The following FRYL variants were observed in gnomAD, a reference collection of about 807,000 sequenced individuals.
The protein encoded by FRYL is protein furry homolog-like.
In FRYL, 150 loss-of-function variants were observed where a neutral mutation model predicts 351.2. The ratio of observed to expected loss-of-function variants is 0.43; its 90% CI spans 0.37 to 0.49. FRYL has a LOEUF of 0.49. FRYL is among the 20% of genes least tolerant of loss of function. The probability of loss-of-function intolerance (pLI) is 0.00; values close to 1 mark genes in which losing one functional copy is unlikely to be tolerated. For missense variants in FRYL, 3,036 were observed against 3,619.3 expected, an observed-to-expected ratio of 0.84 and a Z score of 4.13; for synonymous variants, 1,153 against 1,257.1, an observed-to-expected ratio of 0.92 and a Z score of 1.75.
intron 33 of FRYL, among the ~76,000 whole-genome samples, chr4:48,557,932 AG>A (rs1431696752): frequency 6.6e-6 from 1 of 152,242 alleles, no homozygotes; most frequent in Non-Finnish European, 1.5e-5. Context: ...TACTTTTGGC[AG>A]TTAAAATAAA....
At chr4:48,603,985 T>G (rs187304652) in intron 11 of FRYL, among the ~76,000 whole-genome samples, 1 of 152,192 alleles carries the variant, frequency 6.6e-6, no homozygotes, top group Non-Finnish European at 1.5e-5. Context: ...CTAATCATAC[T>G]CTTTTTAAAA....
chr4:48,541,105 G>T, intron 45 of FRYL, 145 bp from the exon 46 acceptor site: 1 of 748,622 alleles, frequency 1.3e-6, no homozygotes, highest in Non-Finnish European at 2.0e-6. Flanking sequence ...TCAAATTTCA[G>T]TTTTCCCTTC....
chr4:48,589,821 A>G lies in FRYL; in HGVS notation c.1564T>C (p.Leu522=), dbSNP rs1402358976. The G allele has an allele frequency of 6.2e-7, 1 of 1,613,778 alleles. No individual in the cohort carries two copies. Among genetic ancestry groups the G allele is most frequent in the Non-Finnish European group, 8.5e-7 (1 of 1,179,724 alleles). ...RKALDSILRH[L]DKEVGRPMCM... ...ATTGGTCTCCCAACTTCTTTGTCCA[A>G]ATGTCTGAGGATGCTATCTAATGCT... Residue 522 remains leucine, a synonymous_variant, in exon 18 of 64, where the codon TTG becomes CTG. Transcript: ENST00000358350.
intron 1 of FRYL, among the ~76,000 whole-genome samples, chr4:48,777,051 A>C (rs943764249): frequency 5.9e-5 from 9 of 152,154 alleles, no homozygotes; most frequent in African/African-American, 1.9e-4. Context: ...TAAAAAAAAA[A>C]CAAAAACTAT....
chr4:48,778,212 T>C (rs1646424064), intron 1 of FRYL, among the ~76,000 whole-genome samples: 1 of 152,048 alleles, frequency 6.6e-6, no homozygotes, highest in Non-Finnish European at 1.5e-5. Context: ...GGCTTCCAAT[T>C]TCCCAAGTAG....
At chr4:48,647,840 G>A (rs1169225843) in intron 3 of FRYL, among the ~76,000 whole-genome samples, 12 of 152,148 alleles carry the variant, frequency 7.9e-5, no homozygotes. Context: ...TCTGAGGGAT[G>A]ATAAGAGTAT....
At chr4:48,573,049 G>A (rs562583533) in intron 26 of FRYL, 137 bp downstream of exon 26, 68 of 608,724 alleles carry the variant, frequency 1.1e-4, no homozygotes, top group Non-Finnish European at 1.8e-4. Flanking sequence ...AAGATCTTCT[G>A]CGGGGAGGGG....
intron 40 of FRYL, among the ~76,000 whole-genome samples, 183 bp from the exon 41 acceptor site, chr4:48,547,952 T>C (rs1731736836): frequency 6.6e-6 from 1 of 152,164 alleles, no homozygotes; most frequent in Non-Finnish European, 1.5e-5. Flanking sequence ...TGTCTTATAG[T>C]ACTAGGGAGA....
At chr4:48,673,109 G>A (rs1198514109) in intron 3 of FRYL, among the ~76,000 whole-genome samples, 1 of 152,158 alleles carries the variant, frequency 6.6e-6, no homozygotes, top group Non-Finnish European at 1.5e-5. Flanking sequence ...ATCTCATGAA[G>A]CCATTAACAC....
At chr4:48,759,266 C>A (rs1241150545) in intron 1 of FRYL, among the ~76,000 whole-genome samples, 2 of 151,940 alleles carry the variant, frequency 1.3e-5, no homozygotes, top group Non-Finnish European at 2.9e-5. Flanking sequence ...GCTTCTGAGG[C>A]TCAAGTGAAA....
chr4:48,508,448 G>C (rs1227107054), intron 59 of FRYL, among the ~76,000 whole-genome samples: 3 of 152,142 alleles, frequency 2.0e-5, no homozygotes, highest in Admixed American at 2.0e-4. Flanking sequence ...GCAGTTTTCT[G>C]TATAGAGGTA....
intron 2 of FRYL, among the ~76,000 whole-genome samples, chr4:48,690,873 G>A (rs1053216771): frequency 3.3e-5 from 5 of 152,076 alleles, no homozygotes; most frequent in African/African-American, 1.2e-4. Context: ...GCAATGAAAA[G>A]GTTTCTAAGT....
chr4:48,531,959 A>T (rs537566182), intron 49 of FRYL, among the ~76,000 whole-genome samples: 25 of 152,118 alleles, frequency 1.6e-4, no homozygotes, highest in South Asian at 4.1e-4. Flanking sequence ...TTTTAAAAAA[A>T]TTTTTCTGCT....
At chr4:48,528,382 T>C (rs1726744473) in intron 50 of FRYL, 46 bp from the exon 51 acceptor site, 1 of 1,505,116 alleles carries the variant, frequency 6.6e-7, no homozygotes, top group African/African-American at 1.4e-5. Context: ...TATTTCAACA[T>C]AAAAGAAACT....
intron 3 of FRYL, among the ~76,000 whole-genome samples, chr4:48,671,592 G>C (rs1360281983): frequency 6.6e-6 from 1 of 152,038 alleles, no homozygotes; most frequent in Non-Finnish European, 1.5e-5. Context: ...GCTTGAACCC[G>C]GGAGGCAGAG....
intron 1 of FRYL, among the ~76,000 whole-genome samples, chr4:48,776,251 G>A (rs1776015390): frequency 6.6e-6 from 1 of 150,972 alleles, no homozygotes; most frequent in Admixed American, 6.6e-5. Context: ...GCCTCCCAAA[G>A]TCCTGGGATT....
At chr4:48,630,447 C>T (rs2149354573) in intron 4 of FRYL, among the ~76,000 whole-genome samples, 1 of 152,178 alleles carries the variant, frequency 6.6e-6, no homozygotes, top group Non-Finnish European at 1.5e-5. Flanking sequence ...AACATAAGGT[C>T]TAAATCAGAA....
At chr4:48,616,626 T>C (rs1415772110) in intron 7 of FRYL, among the ~76,000 whole-genome samples, 1 of 152,210 alleles carries the variant, frequency 6.6e-6, no homozygotes, top group Non-Finnish European at 1.5e-5. Context: ...GAGTCCTTCA[T>C]ACATTTTGAA....
At chr4:48,773,049 C>T (rs1009386339) in intron 1 of FRYL, among the ~76,000 whole-genome samples, 7 of 152,072 alleles carry the variant, frequency 4.6e-5, no homozygotes, top group Non-Finnish European at 1.0e-4. Context: ...TCAAAATAGT[C>T]TTAAAAAGAC....
Sources: gnomAD v4.1 joint callset for allele counts (sites outside exome capture counted in the v4.1 genomes callset) on GRCh38, gnomAD v4.1.1 for gene constraint, MANE v1.5 for transcripts, NCBI Gene and HGNC (gene_info 2026-07-23, HGNC 2026-07-21) for gene names.